The following RIMBP2 variants were observed in gnomAD, a reference collection of about 807,000 sequenced individuals.
RIMBP2 encodes RIMS binding protein 2, also known as RIMS-binding protein 2.
In RIMBP2, 48 loss-of-function variants were observed where a neutral mutation model predicts 118.6. The ratio of observed to expected loss-of-function variants is 0.40; its 90% CI spans 0.32 to 0.51. The LOEUF is 0.51. RIMBP2 is among the 20% of genes least tolerant of loss of function. The pLI, the probability that RIMBP2 is intolerant of heterozygous loss-of-function variation, is 0.41. For synonymous variants in RIMBP2, 762 were observed against 742.9 expected, an observed-to-expected ratio of 1.03 and a Z score of -0.42; for missense variants, 1,551 against 1,768.3, an observed-to-expected ratio of 0.88 and a Z score of 2.20.
rs932008707 is a variant in RIMBP2 at position 130,525,643 on chromosome 12, G to C, written c.-216-7726C>G. ...TGGCAGGTGCAGATGGACACATGGGGAAGGCATGAGGGCAGCAGAGAGAAG... is the reference window on the plus strand; with the variant it reads ...TGGCAGGTGCAGATGGACACATGGGCAAGGCATGAGGGCAGCAGAGAGAAG... On this transcript the variant is annotated intron_variant, in intron 2 of 22. Coordinates refer to ENST00000690449, the MANE Select transcript of RIMBP2 (RefSeq NM_001393629.1). This position sits in a 1 kb window ranked among gnomAD's most constrained non-coding sequence, Gnocchi z 4.4. Among the ~76,000 whole-genome samples the C allele has an allele frequency of 6.6e-6, 1 of 152,176 alleles. No individual in the cohort carries two copies. Among genetic ancestry groups the C allele is most frequent in the Non-Finnish European group, 1.5e-5 (1 of 68,036 alleles).
chr12:130,552,648 T>C (rs561895456), intron 2 of RIMBP2, among the ~76,000 whole-genome samples: 1 of 152,236 alleles, frequency 6.6e-6, no homozygotes, highest in African/African-American at 2.4e-5. Context: ...CAAATCAGCT[T>C]GTTCATTCTG....
rs149948281 is a variant in RIMBP2, at chr12:130,568,655, G to A, written c.-216-50738C>T. ...GCCCCTTTGCCAACTTGATCTGTGC[G>A]CTTCTTCCCAAGTGCTCAGAGCTAA... On this transcript the variant is annotated intron_variant, in intron 2 of 22. Transcript: ENST00000690449. Among the ~76,000 whole-genome samples, 1,286 of 152,320 alleles carry A rather than the reference G, an allele frequency of 8.4e-3. 18 individuals carry two copies. The highest frequency in any genetic ancestry group is 0.03 in the African/African-American group (1,233 of 41,558).
intron 1 of RIMBP2, among the ~76,000 whole-genome samples, chr12:130,675,489 C>T (rs1224076954): frequency 6.6e-6 from 1 of 152,206 alleles, no homozygotes; most frequent in Non-Finnish European, 1.5e-5. Context: ...AACAGAGCCC[C>T]TGCTCCTGCA....
chr12:130,497,072 A>C (rs2048779), intron 4 of RIMBP2, among the ~76,000 whole-genome samples: 11,691 of 152,142 alleles, frequency 0.077, 572 homozygotes, highest in East Asian at 0.17. Context: ...CTCTGCCTCC[A>C]TCCACACGTG....
intron 7 of RIMBP2, among the ~76,000 whole-genome samples, chr12:130,453,516 C>G (rs1369991593): frequency 5.9e-5 from 9 of 152,220 alleles, no homozygotes; most frequent in Admixed American, 2.0e-4. Context: ...AAGGAGGACA[C>G]CTGGCCCTTT....
chr12:130,504,767 C>T (rs1289476525), intron 4 of RIMBP2, among the ~76,000 whole-genome samples: 1 of 152,060 alleles, frequency 6.6e-6, no homozygotes, highest in African/African-American at 2.4e-5. Context: ...GTACCACTGA[C>T]ACGTGGGACC....
chr12:130,539,289 A>T, intron 2 of RIMBP2, among the ~76,000 whole-genome samples: 1 of 152,222 alleles, frequency 6.6e-6, no homozygotes, highest in African/African-American at 2.4e-5. Flanking sequence ...CTATGTTTAT[A>T]TAATATATAT....
chr12:130,541,207 G>A (rs1024413886), intron 2 of RIMBP2, among the ~76,000 whole-genome samples: 4 of 152,204 alleles, frequency 2.6e-5, no homozygotes, highest in African/African-American at 9.7e-5. Flanking sequence ...GCATCCTCCT[G>A]TCTCTCATCT....
chr12:130,707,736 C>A (rs557398966), intron 1 of RIMBP2, among the ~76,000 whole-genome samples: 1 of 152,202 alleles, frequency 6.6e-6, no homozygotes, highest in Non-Finnish European at 1.5e-5. Flanking sequence ...CAGTGTGGCC[C>A]AGGGACAAGA....
rs11060869 is a variant in RIMBP2, at chr12:130,412,778, C to T, written c.3430G>A (p.Asp1144Asn). ...CGGTAGAATCCATCAGCGTCTTTAT[C>T]ACCATAAACCTAGAGCCAAGGGGGA... ...KEGQIIKVYG[D>N]KDADGFYRGE... Residue 1144 changes from aspartate (D) to asparagine (N), a missense_variant, in exon 19 of 23, where the codon GAT becomes AAT. Asp to Asn is a conservative substitution (Grantham distance 23, BLOSUM62 1). Around this residue, in one of 5 missense-constraint regions of RIMBP2, gnomAD observed 1,038 missense variants for 1,125.1 expected, o/e 0.92. Coordinates refer to ENST00000690449, the MANE Select transcript of RIMBP2 (RefSeq NM_001393629.1). 2.0e-3 allele frequency: 3,234 copies of T among 1,612,224 alleles called. 90 individuals carry two copies. In the East Asian group the frequency reaches 0.06, roughly 30 times the overall value.
Position 130,450,131 on chromosome 12 carries a change from G to C in RIMBP2, c.581+69C>G. 3 of 1,012,556 alleles carry C rather than the reference G, an allele frequency of 3.0e-6. No individual in the cohort carries two copies. The highest frequency in any genetic ancestry group is 4.6e-6 in the Non-Finnish European group (3 of 659,126). 62.7% of individuals were successfully genotyped at this position (1,012,556 alleles called of 1,614,324 possible). ...AAGGGAACTTCTCAGACCCCAGAGTGTTCCCAGACCCAACATCTCATCTGC... is the reference window on the plus strand; with the variant it reads ...AAGGGAACTTCTCAGACCCCAGAGTCTTCCCAGACCCAACATCTCATCTGC... On this transcript the variant is annotated intron_variant, in intron 9 of 22. Coordinates refer to ENST00000690449, the MANE Select transcript of RIMBP2 (RefSeq NM_001393629.1). The surrounding 1 kb of genome is among the most constrained non-coding windows in gnomAD (Gnocchi z 4.8).
At chr12:130,714,521 G>A (rs1950192175) in intron 1 of RIMBP2, among the ~76,000 whole-genome samples, 1 of 152,178 alleles carries the variant, frequency 6.6e-6, no homozygotes, top group Non-Finnish European at 1.5e-5. Flanking sequence ...TGTCTCCCGG[G>A]CACGTGGGCA....
intron 2 of RIMBP2, among the ~76,000 whole-genome samples, chr12:130,559,849 C>G (rs921647434): frequency 6.6e-6 from 1 of 152,232 alleles, no homozygotes; most frequent in African/African-American, 2.4e-5. Context: ...CTCGAGCAAG[C>G]TACTTGACTG....
intron 2 of RIMBP2, among the ~76,000 whole-genome samples, chr12:130,521,993 TTTAA>T (rs1338162324): frequency 1.3e-5 from 2 of 152,116 alleles, no homozygotes; most frequent in Non-Finnish European, 1.5e-5. Flanking sequence ...GTCTGTGGAA[TTTAA>T]TTGTCTGCAG....
chr12:130,485,477 G>T (rs1407085196), intron 4 of RIMBP2, among the ~76,000 whole-genome samples: 1 of 152,250 alleles, frequency 6.6e-6, no homozygotes, highest in African/African-American at 2.4e-5. Context: ...GAGCACTACG[G>T]GGGCCAGGGC....
At chr12:130,496,400 A>C (rs2049160286) in intron 4 of RIMBP2, among the ~76,000 whole-genome samples, 1 of 152,118 alleles carries the variant, frequency 6.6e-6, no homozygotes, top group South Asian at 2.1e-4. Context: ...TTCCTGTATA[A>C]ATTACCCAGT....
chr12:130,580,028 CAAA>C (rs55653381), intron 2 of RIMBP2, among the ~76,000 whole-genome samples: 35 of 116,496 alleles, frequency 3.0e-4, no homozygotes, highest in East Asian at 7.4e-4. Flanking sequence ...ACCAAAAATA[CAAA>C]AAAAAAAAAA....
chr12:130,451,135 G>C, intron 8 of RIMBP2, 60 bp downstream of exon 8: 1 of 1,569,770 alleles, frequency 6.4e-7, no homozygotes, highest in Non-Finnish European at 8.7e-7. Context: ...ACTGGCCAAC[G>C]TCCACACCAG....
intron 3 of RIMBP2, among the ~76,000 whole-genome samples, chr12:130,517,492 A>G (rs902156896): frequency 6.6e-6 from 1 of 152,198 alleles, no homozygotes; most frequent in Non-Finnish European, 1.5e-5. Context: ...AGGCCCCATC[A>G]TGGAGGCTCA....
Sources: gnomAD v4.1 joint callset for allele counts (sites outside exome capture counted in the v4.1 genomes callset) on GRCh38, gnomAD v4.1.1 for gene constraint, gnomAD v4.1.1 regional missense constraint, Gnocchi (gnomAD v3.1) non-coding constraint, MANE v1.5 for transcripts, NCBI Gene and HGNC (gene_info 2026-07-23, HGNC 2026-07-21) for gene names.